ROBO1: variants seen among roughly 807,000 people sequenced by gnomAD.
ROBO1 encodes roundabout homolog 1.
ROBO1 carries 149 observed loss-of-function variants against 195.9 expected under a neutral mutation model. That is an observed-to-expected ratio of 0.76 (90% CI 0.67 to 0.87). The LOEUF (loss-of-function observed/expected upper bound fraction) is 0.87. Ranked by LOEUF, ROBO1 falls within the 40% of genes least tolerant of loss-of-function variation. The pLI is 0.00. For missense variants in ROBO1, 1,933 were observed against 2,068.3 expected (o/e 0.93, Z 1.27); for synonymous variants, 816 against 733.2 (o/e 1.11, Z -1.82).
At chr3:79,484,290 A>C (rs1939029495) in intron 2 of ROBO1, among the ~76,000 whole-genome samples, 1 of 152,152 alleles carries the variant, frequency 6.6e-6, no homozygotes, top group South Asian at 2.1e-4. Flanking sequence ...GTCAGTTTTC[A>C]AGAAAACTTT....
Position 79,186,346 on chromosome 3 carries a change from CGT to C in ROBO1, c.89-60809_89-60808del, listed in dbSNP as rs1363513421. On this transcript the variant is annotated intron_variant, in intron 2 of 30. Transcript: ENST00000464233. The stretch of plus-strand genomic sequence containing the variant: ...CTACACACACATATTTATAAACACA[CGT>C]GTTTTATATTTACACATAAATATAT... Among the ~76,000 whole-genome samples the C allele has an allele frequency of 5.3e-5, 8 of 151,972 alleles. No individual in the cohort carries two copies. The East Asian group carries it at 1.2e-3, about 22-fold the overall frequency.
At chr3:78,647,281 A>C (rs1431470982) in intron 20 of ROBO1, among the ~76,000 whole-genome samples, 2 of 152,016 alleles carry the variant, frequency 1.3e-5, no homozygotes, top group Non-Finnish European at 2.9e-5. Flanking sequence ...GAAAACTTGA[A>C]AGCTTAAGTT....
intron 1 of ROBO1, among the ~76,000 whole-genome samples, chr3:79,621,146 G>A (rs114169021): frequency 0.033 from 4,944 of 152,042 alleles, 127 homozygotes; most frequent in African/African-American, 0.064. Flanking sequence ...ATCAGTCTCC[G>A]CAACTTACCT....
Position 79,609,351 on chromosome 3 carries a change from A to G in ROBO1, c.-50-19390T>C, listed in dbSNP as rs562300091. 1.2e-4 allele frequency among the ~76,000 whole-genome samples: 18 copies of G among 152,080 alleles called. No homozygotes were observed. The South Asian group carries it at 3.7e-3, about 31-fold the overall frequency. On this transcript the variant is annotated intron_variant, in intron 1 of 30. Transcript: ENST00000464233. ...ATGGCAATTATCAAAGAGACAGAAA[A>G]TAAGTGTCAGTAGGGATGAAGAAAA...
At chr3:79,477,133 G>A (rs1417491776) in intron 2 of ROBO1, among the ~76,000 whole-genome samples, 1 of 152,056 alleles carries the variant, frequency 6.6e-6, no homozygotes, top group African/African-American at 2.4e-5. Flanking sequence ...CACTGGTACT[G>A]CTAATACTAC....
chr3:79,466,064 G>A (rs1227464221), intron 2 of ROBO1, among the ~76,000 whole-genome samples: 2 of 150,496 alleles, frequency 1.3e-5, no homozygotes, highest in African/African-American at 4.9e-5. Flanking sequence ...AATTTAAAAT[G>A]TTGAGATCCA....
At chr3:78,700,764 CT>C (rs71127355) in intron 8 of ROBO1, among the ~76,000 whole-genome samples, 108 of 144,398 alleles carry the variant, frequency 7.5e-4, no homozygotes, top group Middle Eastern at 3.4e-3. Context: ...ATCTTTTTTT[CT>C]TTTTTTTTTT....
At chr3:78,960,990 T>C (rs1262100902) in intron 3 of ROBO1, among the ~76,000 whole-genome samples, 3 of 152,150 alleles carry the variant, frequency 2.0e-5, no homozygotes, top group South Asian at 2.1e-4. Context: ...GCTGTATGTA[T>C]AGCCAATTGG....
At chr3:79,025,477 A>C (rs1478165939) in intron 3 of ROBO1, among the ~76,000 whole-genome samples, 1 of 152,192 alleles carries the variant, frequency 6.6e-6, no homozygotes, top group African/African-American at 2.4e-5. Context: ...CATCCAAAAC[A>C]GTGCCTGGCA....
Position 79,348,101 on chromosome 3 carries a change from C to CT in ROBO1, c.89-222563dup, listed in dbSNP as rs2035193921. Among the ~76,000 whole-genome samples, 3 of 150,722 alleles carry CT rather than the reference C, an allele frequency of 2.0e-5. No individual in the cohort carries two copies. In the Admixed American group the frequency reaches 2.0e-4, roughly 10 times the overall value. ...TGGTGCACACTTGTAATCCCAGTGA[C>CT]TTGGGAGGCTGAGACAGGCAGATTG... On this transcript the variant is annotated intron_variant, in intron 2 of 30. Transcript: ENST00000464233.
At chr3:79,210,525 T>C (rs565947746) in intron 2 of ROBO1, among the ~76,000 whole-genome samples, 2 of 152,268 alleles carry the variant, frequency 1.3e-5, no homozygotes, top group South Asian at 2.1e-4. Context: ...CTGGGTAACA[T>C]AGTTGAAGAA....
chr3:78,922,125 T>C (rs1307227455), intron 4 of ROBO1, among the ~76,000 whole-genome samples: 1 of 152,168 alleles, frequency 6.6e-6, no homozygotes, highest in East Asian at 1.9e-4. Context: ...TACATGGTAT[T>C]GAAGGCATGT....
At chr3:79,237,408 G>A (rs910878732) in intron 2 of ROBO1, among the ~76,000 whole-genome samples, 31 of 152,044 alleles carry the variant, frequency 2.0e-4, no homozygotes, top group African/African-American at 6.8e-4. Flanking sequence ...GGGAACCCAG[G>A]AGGCGGAGCT....
intron 5 of ROBO1, among the ~76,000 whole-genome samples, chr3:78,735,098 G>C (rs1041896772): frequency 1.6e-4 from 24 of 152,234 alleles, no homozygotes; most frequent in African/African-American, 5.8e-4. Context: ...AGTTTTACAA[G>C]TGTTTGGTTT....
At chr3:79,606,178 G>A (rs1944478718) in intron 1 of ROBO1, among the ~76,000 whole-genome samples, 1 of 151,652 alleles carries the variant, frequency 6.6e-6, no homozygotes, top group South Asian at 2.1e-4. Context: ...CAAATGCAAT[G>A]CGCTATTGTG....
intron 4 of ROBO1, among the ~76,000 whole-genome samples, chr3:78,772,829 C>A (rs2083411511): frequency 6.6e-6 from 1 of 151,860 alleles, no homozygotes; most frequent in Non-Finnish European, 1.5e-5. Context: ...CACTATTTTA[C>A]AAATAAAGAA....
At chr3:79,605,166 T>C (rs1944444970) in intron 1 of ROBO1, among the ~76,000 whole-genome samples, 2 of 152,002 alleles carry the variant, frequency 1.3e-5, no homozygotes, top group East Asian at 3.9e-4. Flanking sequence ...GAAACCCTTC[T>C]CTTAGAAACT....
intron 2 of ROBO1, among the ~76,000 whole-genome samples, chr3:79,240,684 T>C (rs923834825): frequency 6.6e-6 from 1 of 152,100 alleles, no homozygotes; most frequent in Admixed American, 6.6e-5. Flanking sequence ...TCTCACTCTG[T>C]CACCCAGGCT....
intron 4 of ROBO1, among the ~76,000 whole-genome samples, chr3:78,800,196 A>T (rs1437296595): frequency 6.6e-6 from 1 of 152,190 alleles, no homozygotes; most frequent in Non-Finnish European, 1.5e-5. Context: ...AATGTATTTT[A>T]AAATTCTGCA....
Sources: gnomAD v4.1 joint callset for allele counts (sites outside exome capture counted in the v4.1 genomes callset) on GRCh38, gnomAD v4.1.1 for gene constraint, MANE v1.5 for transcripts, NCBI Gene and HGNC (gene_info 2026-07-23, HGNC 2026-07-21) for gene names.